Variants in CCDC186 observed in about 807,000 individuals in gnomAD.
CCDC186 encodes the protein coiled-coil domain containing 186.
CCDC186 carries 49 observed loss-of-function variants against 113.7 expected under a neutral mutation model. The ratio of observed to expected loss-of-function variants is 0.43; its 90% CI spans 0.34 to 0.55. CCDC186 has a LOEUF of 0.55. Among genes scored for constraint, CCDC186 ranks in the 20% least tolerant of loss-of-function variants. The pLI is 0.02. For synonymous variants in CCDC186, 355 were observed against 345.8 expected (o/e 1.03, Z -0.30); for missense variants, 890 against 1,011.1 (o/e 0.88, Z 1.62).
At chr10:114,127,728 CTCATA>C in intron 13 of CCDC186, 57 bp from the exon 14 acceptor site, 2 of 1,358,914 alleles carry the variant, frequency 1.5e-6, no homozygotes, top group Non-Finnish European at 2.1e-6. Context: ...CACCTCTCAT[CTCATA>C]TATTACTTAT....
At chr10:114,148,807 C>T (rs538262205) in intron 4 of CCDC186, among the ~76,000 whole-genome samples, 1 of 152,328 alleles carries the variant, frequency 6.6e-6, no homozygotes, top group South Asian at 2.1e-4. Context: ...AATACAGCTA[C>T]ACTCTCTTGT....
chr10:114,127,343 T>A, intron 14 of CCDC186, 118 bp downstream of exon 14: 1 of 920,698 alleles, frequency 1.1e-6, no homozygotes, highest in African/African-American at 1.7e-5. Context: ...GGGAACTGAA[T>A]AACTATAATT....
chr10:114,167,224 T>C (rs1446504897), intron 1 of CCDC186, among the ~76,000 whole-genome samples: 1 of 152,086 alleles, frequency 6.6e-6, no homozygotes, highest in Non-Finnish European at 1.5e-5. Flanking sequence ...TTTCACCATG[T>C]TGGCCAGGAT....
intron 3 of CCDC186, among the ~76,000 whole-genome samples, chr10:114,153,930 C>A (rs1255501298): frequency 1.3e-5 from 2 of 151,250 alleles, no homozygotes; most frequent in Non-Finnish European, 1.5e-5. Flanking sequence ...AGAGACAAGG[C>A]CAGGTGAAGT....
At chr10:114,128,196 T>G (rs2030973801) in intron 13 of CCDC186, among the ~76,000 whole-genome samples, 1 of 152,062 alleles carries the variant, frequency 6.6e-6, no homozygotes, top group Non-Finnish European at 1.5e-5. Flanking sequence ...CTCATTTAAA[T>G]GAATACATGT....
At chr10:114,129,391 A>C (rs990329681) in intron 13 of CCDC186, among the ~76,000 whole-genome samples, 2 of 152,074 alleles carry the variant, frequency 1.3e-5, no homozygotes, top group South Asian at 4.1e-4. Context: ...ATAGAACCCC[A>C]TGACAAATCT....
At chr10:114,147,946 T>A (rs1450514960) in intron 4 of CCDC186, among the ~76,000 whole-genome samples, 1 of 151,892 alleles carries the variant, frequency 6.6e-6, no homozygotes, top group African/African-American at 2.4e-5. Flanking sequence ...CTGGACAACA[T>A]GGCAAAATCC....
chr10:114,157,434 C>T (rs1049569208), intron 3 of CCDC186, 120 bp downstream of exon 3: 19 of 853,332 alleles, frequency 2.2e-5, no homozygotes, highest in Non-Finnish European at 2.8e-5. Context: ...TCAAGTAATC[C>T]GCCCACCTTG....
chr10:114,152,099 G>C (rs2031873883), intron 3 of CCDC186, among the ~76,000 whole-genome samples: 1 of 152,176 alleles, frequency 6.6e-6, no homozygotes, highest in Non-Finnish European at 1.5e-5. Context: ...CCAGCACTTT[G>C]GAAAGCTGAG....
Position 114,151,042 on chromosome 10 carries a change from CAA to C in CCDC186, c.888+48_888+49del, listed in dbSNP as rs112591544. On this transcript the variant is annotated intron_variant, in intron 4 of 15. Coordinates refer to ENST00000369287, the MANE Select transcript of CCDC186 (RefSeq NM_018017.4). The stretch of plus-strand genomic sequence containing the variant: ...AACAGTGTTAGCTTATTTTAACAAA[CAA>C]GAGTCACCAGAATATCAAGTTAATA... 1.2e-5 allele frequency: 19 copies of C among 1,595,572 alleles called. No individual in the cohort carries two copies. The African/African-American group carries it at 2.0e-4, about 17-fold the overall frequency.
chr10:114,152,087 T>A (rs1564914001), intron 3 of CCDC186, among the ~76,000 whole-genome samples: 1 of 152,180 alleles, frequency 6.6e-6, no homozygotes, highest in Non-Finnish European at 1.5e-5. Context: ...ATGCCTGTAA[T>A]CCCAGCACTT....
At chr10:114,129,799 G>C (rs1176747473) in intron 13 of CCDC186, 92 bp downstream of exon 13, 7 of 1,096,518 alleles carry the variant, frequency 6.4e-6, no homozygotes, top group Non-Finnish European at 9.5e-6. Flanking sequence ...CAAAGTGCTG[G>C]GATTACAGGT....
chr10:114,146,192 C>G (rs566757867), intron 4 of CCDC186, among the ~76,000 whole-genome samples: 1 of 152,342 alleles, frequency 6.6e-6, no homozygotes, highest in South Asian at 2.1e-4. Context: ...AGATCTGGCT[C>G]CTCCAGAGTT....
intron 2 of CCDC186, 129 bp from the exon 3 acceptor site, chr10:114,157,809 ATTCC>A: frequency 2.9e-6 from 2 of 699,434 alleles, no homozygotes; most frequent in Non-Finnish European, 4.4e-6. Flanking sequence ...ATAAATTAAC[ATTCC>A]TAAATAATCA....
At chr10:114,129,153 A>G (rs755139566) in intron 13 of CCDC186, among the ~76,000 whole-genome samples, 1 of 152,060 alleles carries the variant, frequency 6.6e-6, no homozygotes, top group Non-Finnish European at 1.5e-5. Flanking sequence ...AAACAAAACA[A>G]AAACATAAAA....
At chr10:114,125,304 T>C in intron 15 of CCDC186, 78 bp from the exon 16 acceptor site, 1 of 1,146,924 alleles carries the variant, frequency 8.7e-7, no homozygotes, top group Non-Finnish European at 1.2e-6. Flanking sequence ...TTGAACTATT[T>C]TTTGCCTAAA....
chr10:114,164,065 A>T (rs1052523823), intron 1 of CCDC186, among the ~76,000 whole-genome samples: 11 of 107,044 alleles, frequency 1.0e-4, no homozygotes, highest in East Asian at 2.6e-4. Flanking sequence ...ACCAAGTTAG[A>T]GTGTGTGTGT....
intron 7 of CCDC186, 42 bp from the exon 8 acceptor site, chr10:114,136,288 C>T: frequency 6.9e-7 from 1 of 1,456,832 alleles, no homozygotes; most frequent in Non-Finnish European, 9.5e-7. Context: ...ATTTTTAACC[C>T]ATTTCCCGTT....
rs770232838 is a variant in CCDC186 at position 114,151,239 on chromosome 10, C to A, written c.760-19G>T. ...ATTCTAACTGTAAAGAAAATTATTT[C>A]CAAATTATTTTTATAGCTATACCAA... On this transcript the variant is annotated intron_variant, in intron 3 of 15. Coordinates refer to ENST00000369287, the MANE Select transcript of CCDC186 (RefSeq NM_018017.4). 1.1e-5 allele frequency: 16 copies of A among 1,468,758 alleles called. No individual in the cohort carries two copies. The highest frequency in any genetic ancestry group is 1.4e-5 in the Non-Finnish European group (15 of 1,061,630). 91.0% of individuals were successfully genotyped at this position (1,468,758 alleles called of 1,614,324 possible).
Sources: gnomAD v4.1 joint callset for allele counts (sites outside exome capture counted in the v4.1 genomes callset) on GRCh38, gnomAD v4.1.1 for gene constraint, MANE v1.5 for transcripts, NCBI Gene and HGNC (gene_info 2026-07-23, HGNC 2026-07-21) for gene names.